Variants in FRK observed in about 807,000 individuals in gnomAD.
The protein encoded by FRK is tyrosine-protein kinase FRK.
In FRK, 51 loss-of-function variants were observed where a neutral mutation model predicts 56.4. The ratio of observed to expected loss-of-function variants is 0.90; its 90% confidence interval spans 0.72 to 1.14. The LOEUF is 1.14. FRK is among the 50% of genes most tolerant of loss of function. The pLI is 0.00. For missense variants in FRK, 570 were observed against 601.4 expected (o/e 0.95, Z 0.55); for synonymous variants, 245 against 217.9 (o/e 1.12, Z -1.10).
Position 115,967,720 on chromosome 6 carries a change from C to A in FRK, c.631-1G>T. 6.3e-6 allele frequency: 10 copies of A among 1,581,132 alleles called. No individual in the cohort carries two copies. Among genetic ancestry groups the A allele is most frequent in the Non-Finnish European group, 8.6e-6 (10 of 1,162,172 alleles). On this transcript the variant is annotated splice_acceptor_variant, in intron 3 of 7. Coordinates refer to ENST00000606080, the MANE Select transcript of FRK (RefSeq NM_002031.3). LOFTEE classifies it high-confidence loss of function. ...AATCAAATGGAGCTGGGACCTGGAT[C>A]TGTTTCATAGAATAATAAGAGCAAT...
intron 1 of FRK, among the ~76,000 whole-genome samples, chr6:116,029,861 A>T (rs1776235942): frequency 1.3e-5 from 2 of 152,142 alleles, no homozygotes; most frequent in African/African-American, 2.4e-5. Context: ...ATACTCTGAT[A>T]TTGTGCCCTT....
chr6:115,953,363 G>C (rs1772860054), intron 5 of FRK, among the ~76,000 whole-genome samples: 2 of 150,634 alleles, frequency 1.3e-5, no homozygotes, highest in East Asian at 2.0e-4. Flanking sequence ...CTAATTTTTT[G>C]TATTTTTAGT....
In FRK at chr6:115,938,388, C is replaced by A. The variant is rs569264830; in HGVS notation, c.*4026G>T. On this transcript the variant is annotated 3_prime_UTR_variant, in exon 8 of 8. Transcript: ENST00000606080. ...AGAGGAATCAGGAAAGAACTAAAAT[C>A]TATACCCTAATATCACAATTAAAAG... is the stretch of plus-strand genomic sequence containing the variant. The A allele has an allele frequency of 3.3e-5, 5 of 152,194 alleles. No individual in the cohort carries two copies. Among genetic ancestry groups the A allele is most frequent in the Admixed American group, 3.3e-4 (5 of 15,290 alleles). The allele number at this position is 152,194 out of a possible 1,614,324, so 9.4% of individuals were successfully genotyped here.
intron 1 of FRK, among the ~76,000 whole-genome samples, chr6:116,012,674 T>C: frequency 6.6e-6 from 1 of 152,230 alleles, no homozygotes; most frequent in Non-Finnish European, 1.5e-5. Flanking sequence ...TTGGGCATTT[T>C]ATATAGTCTT....
chr6:115,953,090 T>G (rs554782015), intron 5 of FRK, among the ~76,000 whole-genome samples: 2 of 144,706 alleles, frequency 1.4e-5, no homozygotes, highest in Non-Finnish European at 3.1e-5. Context: ...AAATAAAAAA[T>G]TTTTTAAAAA....
At chr6:116,062,655 A>G (rs1399183945), upstream of FRK, among the ~76,000 whole-genome samples, 1 of 152,210 alleles carries the variant, frequency 6.6e-6, no homozygotes, top group East Asian at 1.9e-4. Context: ...ACAGTCATTG[A>G]GCAAGTGAGT....
At chr6:115,944,642 T>C (rs1772348407) in intron 5 of FRK, among the ~76,000 whole-genome samples, 1 of 152,166 alleles carries the variant, frequency 6.6e-6, no homozygotes, top group Non-Finnish European at 1.5e-5. Context: ...GTATTACAAG[T>C]AACAAGTCAT....
intron 2 of FRK, among the ~76,000 whole-genome samples, chr6:115,971,673 C>T (rs1326885244): frequency 4.6e-5 from 7 of 152,152 alleles, no homozygotes; most frequent in Admixed American, 6.5e-5. Context: ...CACTTAAAAT[C>T]ACAAACAGTG....
At chr6:116,076,086 T>C in the FRK span, among the ~76,000 whole-genome samples, 1 of 152,342 alleles carries the variant, frequency 6.6e-6, no homozygotes, top group Non-Finnish European at 1.5e-5. Flanking sequence ...TTAAGTATTT[T>C]AAATTGAGTC....
At chr6:116,024,998 G>C (rs929976554) in intron 1 of FRK, among the ~76,000 whole-genome samples, 1 of 152,106 alleles carries the variant, frequency 6.6e-6, no homozygotes, top group Non-Finnish European at 1.5e-5. Flanking sequence ...GTTTTGATTT[G>C]CATTTCTCTG....
chr6:115,959,077 TCTCAA>T (rs1334418155), intron 4 of FRK, among the ~76,000 whole-genome samples: 1 of 152,110 alleles, frequency 6.6e-6, no homozygotes, highest in African/African-American at 2.4e-5. Flanking sequence ...GGAAACCCAA[TCTCAA>T]CTCAGCTAGT....
intron 2 of FRK, among the ~76,000 whole-genome samples, chr6:115,971,239 T>A (rs1409075932): frequency 1.3e-5 from 2 of 152,228 alleles, no homozygotes; most frequent in African/African-American, 2.4e-5. Flanking sequence ...AAATGTTACC[T>A]AATTTTCACC....
chr6:116,042,468 T>G (rs1273275571), intron 1 of FRK, among the ~76,000 whole-genome samples: 1 of 152,134 alleles, frequency 6.6e-6, no homozygotes, highest in Non-Finnish European at 1.5e-5. Flanking sequence ...ACCCAAAATT[T>G]TATATCCAGA....
At position 115,937,967 on chromosome 6, in the gene FRK, C is replaced by T. The variant is rs1022203192; in HGVS notation, c.*4447G>A. On this transcript the variant is annotated 3_prime_UTR_variant, in exon 8 of 8. Coordinates refer to ENST00000606080, the MANE Select transcript of FRK (RefSeq NM_002031.3). The stretch of plus-strand genomic sequence containing the variant: ...TTCAGAACTTGAACTCAGCTCTGGA[C>T]CAAGTGGACCTAACAGACATCTACA... 1.3e-5 allele frequency: 2 copies of T among 152,166 alleles called. No individual in the cohort carries two copies. Among genetic ancestry groups the T allele is most frequent in the Non-Finnish European group, 2.9e-5 (2 of 68,034 alleles). The allele number at this position is 152,166 out of a possible 1,614,324, so 9.4% of individuals were successfully genotyped here.
the FRK span, among the ~76,000 whole-genome samples, chr6:116,086,196 T>C: frequency 6.6e-6 from 1 of 152,120 alleles, no homozygotes; most frequent in Admixed American, 6.5e-5. Context: ...CAAATGACAT[T>C]TTAAAAATAC....
intron 2 of FRK, chr6:116,002,632 C>T (rs1488042973): frequency 2.2e-6 from 1 of 447,716 alleles, no homozygotes; most frequent in Non-Finnish European, 4.5e-6. Context: ...GTAATTGACA[C>T]ATCACACACA....
chr6:115,967,464 C>T, intron 4 of FRK, 87 bp downstream of exon 4: 1 of 1,319,636 alleles, frequency 7.6e-7, no homozygotes, highest in Non-Finnish European at 1.1e-6. Flanking sequence ...CCAGTATTAG[C>T]CACCCTATGA....
intron 1 of FRK, among the ~76,000 whole-genome samples, chr6:116,014,423 T>TA (rs1008059252): frequency 9.9e-5 from 15 of 151,976 alleles, no homozygotes; most frequent in African/African-American, 1.9e-4. Flanking sequence ...AGTGTTCTTT[T>TA]AAAAAAATAT....
rs574229301 is a variant in FRK at position 115,932,360 on chromosome 6, G to T, written c.*10054C>A. 6.6e-5 allele frequency: 10 copies of T among 152,156 alleles called. No homozygotes were observed. In the East Asian group the frequency reaches 1.9e-3, roughly 29 times the overall value. The allele number at this position is 152,156 out of a possible 1,614,324, so 9.4% of individuals were successfully genotyped here. On this transcript the variant is annotated 3_prime_UTR_variant, in exon 8 of 8. Transcript: ENST00000606080. ...TTTAGATACTTTCCAGCATTTTTTT[G>T]ATCCTATGACACTGAATATTTGCAT... is the stretch of plus-strand genomic sequence containing the variant.
Sources: allele counts gnomAD v4.1 joint callset (sites outside exome capture counted in the v4.1 genomes callset), GRCh38; gene constraint gnomAD v4.1.1; transcripts MANE v1.5; gene names NCBI Gene and HGNC (gene_info 2026-07-23, HGNC 2026-07-21).